Variants in BCL6 observed in about 807,000 individuals in gnomAD.
BCL6 encodes the protein BCL6 transcription repressor.
BCL6 carries 7 observed loss-of-function variants against 59.5 expected under a neutral mutation model. That is an observed-to-expected ratio of 0.12 (90% confidence interval 0.07 to 0.22). BCL6 has a LOEUF of 0.22. Among genes scored for constraint, BCL6 ranks in the 10% least tolerant of loss-of-function variants. The pLI is 1.00. For missense variants in BCL6, 685 were observed against 939.4 expected, an observed-to-expected ratio of 0.73 and a Z score of 3.54; for synonymous variants, 339 against 349.7, an observed-to-expected ratio of 0.97 and a Z score of 0.34.
intron 1 of BCL6, among the ~76,000 whole-genome samples, chr3:187,744,560 A>T (rs1576885134): frequency 6.6e-6 from 1 of 152,064 alleles, no homozygotes; most frequent in East Asian, 1.9e-4. Flanking sequence ...ACTTCATCTC[A>T]TCTGGATTTA....
intron 2 of BCL6, among the ~76,000 whole-genome samples, chr3:187,734,006 G>A (rs1012856603): frequency 6.6e-6 from 1 of 152,226 alleles, no homozygotes; most frequent in Non-Finnish European, 1.5e-5. Flanking sequence ...GACAGGTAGT[G>A]AGTATGTTGC....
At chr3:187,744,612 C>G (rs544657333) in intron 1 of BCL6, among the ~76,000 whole-genome samples, 1 of 152,170 alleles carries the variant, frequency 6.6e-6, no homozygotes, top group South Asian at 2.1e-4. Context: ...AGTTCGCTTG[C>G]ATTTTTTCCT....
intron 4 of BCL6, among the ~76,000 whole-genome samples, chr3:187,730,911 G>A (rs936269198): frequency 2.6e-5 from 4 of 152,208 alleles, no homozygotes; most frequent in Non-Finnish European, 5.9e-5. Flanking sequence ...TATGCTGTGT[G>A]GTTCTGGGAA....
intron 1 of BCL6, among the ~76,000 whole-genome samples, chr3:187,742,154 T>A: frequency 6.6e-6 from 1 of 152,184 alleles, no homozygotes; most frequent in East Asian, 1.9e-4. Flanking sequence ...TTCCCAATAT[T>A]TTTCAAAAAT....
rs1159485178 is a variant in BCL6 at position 187,729,015 on chromosome 3, C to T, written c.1355+35G>A. 6 of 1,511,632 alleles carry T rather than the reference C, an allele frequency of 4.0e-6. No individual in the cohort carries two copies. The highest frequency in any genetic ancestry group is 5.3e-6 in the Non-Finnish European group (6 of 1,132,332). The allele number at this position is 1,511,632 out of a possible 1,614,324, so 93.6% of individuals were successfully genotyped here. Reference sequence around the variant, plus strand: ...CGACATGGAACCCTGCCCAGGTAACCCCTGACCTCAGACCCAGACAGTCTC... The same window carrying T: ...CGACATGGAACCCTGCCCAGGTAACTCCTGACCTCAGACCCAGACAGTCTC... On this transcript the variant is annotated intron_variant, in intron 5 of 9. Coordinates refer to ENST00000406870, the MANE Select transcript of BCL6 (RefSeq NM_001706.5). This position sits in a 1 kb window ranked among gnomAD's most constrained non-coding sequence, Gnocchi z 5.6.
In BCL6 at chr3:187,726,701, G is replaced by C; in HGVS notation, c.1708+30C>G. On this transcript the variant is annotated intron_variant, in intron 7 of 9. Transcript: ENST00000406870. ...CCTGTCCTGCCCCAATAATTGTGGA[G>C]AGTTCGGGTCGTGTGGGGCAGGGCC... is the stretch of plus-strand genomic sequence containing the variant. 3.1e-6 allele frequency: 5 copies of C among 1,608,494 alleles called. No individual in the cohort carries two copies. In the African/African-American group the frequency reaches 5.3e-5, roughly 17 times the overall value.
intron 2 of BCL6, chr3:187,734,412 T>C (rs984156824): frequency 1.2e-4 from 19 of 152,692 alleles, no homozygotes; most frequent in African/African-American, 4.6e-4. Flanking sequence ...AGCAGGTTGT[T>C]TACTGGTTTG....
Position 187,725,092 on chromosome 3 carries a change from A to G in BCL6, c.1840-14T>C, listed in dbSNP as rs1718608386. The stretch of plus-strand genomic sequence containing the variant: ...GAGGTGGGCCACCTGAACGAAGAAG[A>G]AGGCATGAGAGGTCTTCTGGGGTGG... On this transcript the variant is annotated splice_polypyrimidine_tract_variant and intron_variant, in intron 8 of 9. Transcript: ENST00000406870. This position sits in a 1 kb window ranked among gnomAD's most constrained non-coding sequence, Gnocchi z 4.7. 2 of 1,613,538 alleles carry G rather than the reference A, an allele frequency of 1.2e-6. No homozygotes were observed. The highest frequency in any genetic ancestry group is 2.2e-5 in the East Asian group (1 of 44,892).
Position 187,725,493 on chromosome 3 carries a change from G to C in BCL6, c.1839+6C>G, listed in dbSNP as rs1443054418. Reference sequence around the variant, plus strand: ...CCCGCTCCGCTCGCCTGCCCACTCTGCTCACCTGTACAAATCTGGCTCCGC... The same window carrying C: ...CCCGCTCCGCTCGCCTGCCCACTCTCCTCACCTGTACAAATCTGGCTCCGC... On this transcript the variant is annotated splice_donor_region_variant and intron_variant, in intron 8 of 9. Transcript: ENST00000406870. The surrounding 1 kb of genome is among the most constrained non-coding windows in gnomAD (Gnocchi z 4.7). 4.3e-6 allele frequency: 7 copies of C among 1,613,474 alleles called. 1 individual carries two copies. The South Asian group carries it at 7.7e-5, about 18-fold the overall frequency.
intron 1 of BCL6, among the ~76,000 whole-genome samples, chr3:187,744,433 T>C (rs1711778875): frequency 1.3e-5 from 2 of 151,976 alleles, no homozygotes; most frequent in Middle Eastern, 3.4e-3. Context: ...AAGAATAATT[T>C]TCAAAGTGTT....
chr3:187,722,770 C>G lies in BCL6; in HGVS notation c.1978-169G>C, dbSNP rs563829215. On this transcript the variant is annotated intron_variant, in intron 9 of 9. Coordinates refer to ENST00000406870, the MANE Select transcript of BCL6 (RefSeq NM_001706.5). Reference sequence around the variant, plus strand: ...ATCCGGGCTTCTGCCGACAGATAAGCTAGCGTTGTGCAAATGTCCGTTCCC... The same window carrying G: ...ATCCGGGCTTCTGCCGACAGATAAGGTAGCGTTGTGCAAATGTCCGTTCCC... Among the ~76,000 whole-genome samples, 6 of 152,340 alleles carry G rather than the reference C, an allele frequency of 3.9e-5. No individual in the cohort carries two copies. In the South Asian group the frequency reaches 1.2e-3, roughly 32 times the overall value.
In BCL6 at chr3:187,725,632, A is replaced by G. The variant is rs955464200; in HGVS notation, c.1709-3T>C. 1.2e-6 allele frequency: 2 copies of G among 1,614,118 alleles called. No individual in the cohort carries two copies. The highest frequency in any genetic ancestry group is 1.7e-6 in the Non-Finnish European group (2 of 1,180,006). ...GTTGCAACGATAGGGTTTCTCACCT[A>G]TTACCAAGAAAAAGGGAAAAAGAAA... On this transcript the variant is annotated splice_polypyrimidine_tract_variant and splice_region_variant and intron_variant, in intron 7 of 9. Coordinates refer to ENST00000406870, the MANE Select transcript of BCL6 (RefSeq NM_001706.5). This position sits in a 1 kb window ranked among gnomAD's most constrained non-coding sequence, Gnocchi z 4.7.
At chr3:187,727,654 G>C (rs1718787990) in intron 6 of BCL6, among the ~76,000 whole-genome samples, 1 of 152,256 alleles carries the variant, frequency 6.6e-6, no homozygotes, top group East Asian at 1.9e-4. Context: ...CCCATCTATG[G>C]GTCCATGACC....
chr3:187,745,425 T>C lies in BCL6; in HGVS notation c.-65A>G, dbSNP rs1711909992. ...CAATAATCACCTGGTGTCCGGCCTT[T>C]CCTAGAAACTTCTTGCATCACCACT... is the stretch of plus-strand genomic sequence containing the variant. On this transcript the variant is annotated 5_prime_UTR_variant, in exon 1 of 10. Transcript: ENST00000406870. 1 of 399,810 alleles carries C rather than the reference T, an allele frequency of 2.5e-6. No homozygotes were observed. Among genetic ancestry groups the C allele is most frequent in the Non-Finnish European group, 4.4e-6 (1 of 226,400 alleles). The allele number at this position is 399,810 out of a possible 1,614,324, so 24.8% of individuals were successfully genotyped here.
At chr3:187,744,589 C>G (rs188079641) in intron 1 of BCL6, among the ~76,000 whole-genome samples, 1 of 152,116 alleles carries the variant, frequency 6.6e-6, no homozygotes, top group African/African-American at 2.4e-5. Flanking sequence ...AAAACAAAAA[C>G]AAAAACCCAA....
At position 187,728,695 on chromosome 3, in the gene BCL6, C is replaced by T. The variant is rs935241231; in HGVS notation, c.1356-151G>A. On this transcript the variant is annotated intron_variant, in intron 5 of 9. Transcript: ENST00000406870. ...AGTTGTCCTCAAGTTTATCTCCAAACAGTATCTGCAGAAAGATCACTGACC... is the reference window on the plus strand; with the variant it reads ...AGTTGTCCTCAAGTTTATCTCCAAATAGTATCTGCAGAAAGATCACTGACC... The T allele has an allele frequency of 5.0e-6, 4 of 807,704 alleles. No homozygotes were observed. In the Admixed American group the frequency reaches 1.0e-4, roughly 20 times the overall value. The allele number at this position is 807,704 out of a possible 1,614,324, so 50.0% of individuals were successfully genotyped here.
chr3:187,744,893 G>T, intron 1 of BCL6, among the ~76,000 whole-genome samples: 1 of 152,260 alleles, frequency 6.6e-6, no homozygotes, highest in South Asian at 2.1e-4. Flanking sequence ...CCGTACGCAA[G>T]CAGCAGCAGA....
intron 4 of BCL6, among the ~76,000 whole-genome samples, chr3:187,731,373 G>A (rs1267730437): frequency 6.6e-6 from 1 of 152,090 alleles, no homozygotes; most frequent in Non-Finnish European, 1.5e-5. Context: ...CAACACAGAG[G>A]AAGAGCTGAG....
chr3:187,722,901 C>T (rs1019534580), intron 9 of BCL6, among the ~76,000 whole-genome samples: 1 of 152,212 alleles, frequency 6.6e-6, no homozygotes, highest in Non-Finnish European at 1.5e-5. Flanking sequence ...GATGCAAACT[C>T]TTCTAATGAT....
Sources: gnomAD v4.1 joint callset for allele counts (sites outside exome capture counted in the v4.1 genomes callset) on GRCh38, gnomAD v4.1.1 for gene constraint, Gnocchi (gnomAD v3.1) non-coding constraint, MANE v1.5 for transcripts, NCBI Gene and HGNC (gene_info 2026-07-23, HGNC 2026-07-21) for gene names.